Variants in DNAJC10 observed in about 807,000 individuals in gnomAD.
DNAJC10 encodes endoplasmic reticulum disulfide reductase DNAJC10.
DNAJC10 carries 101 observed loss-of-function variants against 115.0 expected under a neutral mutation model. The observed-to-expected ratio is 0.88, with a 90% confidence interval of 0.75 to 1.04. The LOEUF (loss-of-function observed/expected upper bound fraction) is 1.04. Among genes scored for constraint, DNAJC10 ranks in the 50% least tolerant of loss-of-function variants. The pLI is 0.00. For synonymous variants in DNAJC10, 307 were observed against 301.5 expected, an observed-to-expected ratio of 1.02 and a Z score of -0.19; for missense variants, 981 against 928.8, an observed-to-expected ratio of 1.06 and a Z score of -0.73.
Position 182,757,688 on chromosome 2 carries a change from A to G in DNAJC10, c.1810-4A>G. The G allele has an allele frequency of 6.6e-7, 1 of 1,510,038 alleles. No homozygotes were observed. The highest frequency in any genetic ancestry group is 8.8e-7 in the Non-Finnish European group (1 of 1,131,814). 93.5% of individuals were successfully genotyped at this position (1,510,038 alleles called of 1,614,324 possible). ...ATGGAGGTAATCTGTTTTTTCTTTT[A>G]CAGACATTAACTGGACTGATCAACG... On this transcript the variant is annotated splice_region_variant and splice_polypyrimidine_tract_variant and intron_variant, in intron 18 of 23. Transcript: ENST00000264065.
intron 23 of DNAJC10, among the ~76,000 whole-genome samples, chr2:182,776,691 AG>A (rs915177825): frequency 1.4e-3 from 210 of 152,304 alleles, no homozygotes; most frequent in African/African-American, 4.7e-3. Context: ...GGTAGGAAAG[AG>A]TTATGAGTCT....
Position 182,756,388 on chromosome 2 carries a change from CGAAGTCTG to C in DNAJC10, c.1731_1738del (p.Glu577AspfsTer3). On this transcript the variant is annotated frameshift_variant, in exon 18 of 24. Transcript: ENST00000264065. LOFTEE classifies it high-confidence loss of function. ...AACTAGTTACACAAAGAAAACACAA[CGAAGTCTG>C]GATGGTTGATTTCTATTCTCCGTGG... The C allele has an allele frequency of 6.2e-7, 1 of 1,613,992 alleles. No individual in the cohort carries two copies. Among genetic ancestry groups the C allele is most frequent in the Non-Finnish European group, 8.5e-7 (1 of 1,179,888 alleles).
intron 1 of DNAJC10, 55 bp from the exon 2 acceptor site, chr2:182,716,961 G>A (rs536028783): frequency 6.6e-6 from 1 of 152,032 alleles, no homozygotes; most frequent in Non-Finnish European, 1.5e-5. Context: ...TTTTTCTGAT[G>A]GTTGTTTTCT....
At chr2:182,755,726 A>G (rs941240736) in intron 17 of DNAJC10, among the ~76,000 whole-genome samples, 21 of 152,208 alleles carry the variant, frequency 1.4e-4, no homozygotes, top group African/African-American at 5.1e-4. Context: ...TGTCAGAAAA[A>G]TGAGATAGTA....
chr2:182,734,291 A>G (rs1391999712), intron 10 of DNAJC10, among the ~76,000 whole-genome samples: 2 of 151,422 alleles, frequency 1.3e-5, no homozygotes, highest in Non-Finnish European at 3.0e-5. Flanking sequence ...TATATATAGT[A>G]TTTTGATTAT....
At chr2:182,772,759 A>G (rs1018792335) in intron 22 of DNAJC10, among the ~76,000 whole-genome samples, 3 of 152,118 alleles carry the variant, frequency 2.0e-5, no homozygotes, top group Non-Finnish European at 2.9e-5. Flanking sequence ...GGTCTCCTGA[A>G]TACAGCACAC....
chr2:182,724,198 G>C (rs1399348970), intron 5 of DNAJC10, among the ~76,000 whole-genome samples: 1 of 152,064 alleles, frequency 6.6e-6, no homozygotes, highest in East Asian at 1.9e-4. Context: ...CATTACCTTG[G>C]AAAATCACTT....
At chr2:182,749,217 C>G (rs1366947160) in intron 14 of DNAJC10, among the ~76,000 whole-genome samples, 1 of 134,634 alleles carries the variant, frequency 7.4e-6, no homozygotes, top group Non-Finnish European at 1.6e-5. Context: ...TCCTTGTTGA[C>G]TTTCTGTCTC....
Position 182,782,121 on chromosome 2 carries a change from T to C in DNAJC10, c.*4989T>C, listed in dbSNP as rs1694861433. 6.6e-6 allele frequency: 1 copy of C among 152,184 alleles called. No individual in the cohort carries two copies. Among genetic ancestry groups the C allele is most frequent in the Non-Finnish European group, 1.5e-5 (1 of 68,030 alleles). The allele number at this position is 152,184 out of a possible 1,614,324, so 9.4% of individuals were successfully genotyped here. A position where few individuals can be genotyped will look rare whatever the true frequency, so the allele number is the denominator to read the frequency against. ...CTTTAATCTATCAACTTAATTTTTA[T>C]ATAAGGTGTAAGGAAGGGGTCCCAG... is the stretch of plus-strand genomic sequence containing the variant. On this transcript the variant is annotated 3_prime_UTR_variant, in exon 24 of 24. Transcript: ENST00000264065.
rs1180847353 is a variant in DNAJC10, at chr2:182,782,817, G to A, written c.*5685G>A. On this transcript the variant is annotated 3_prime_UTR_variant, in exon 24 of 24. Coordinates refer to ENST00000264065, the MANE Select transcript of DNAJC10 (RefSeq NM_018981.4). ...GCTTATCAGCTTAAGGAGTTTTTGG[G>A]CTGAGATGATGGGGTTTTCTAAATA... 6.6e-6 allele frequency: 1 copy of A among 152,142 alleles called. No homozygotes were observed. The highest frequency in any genetic ancestry group is 2.4e-5 in the African/African-American group (1 of 41,430). 9.4% of individuals were successfully genotyped at this position (152,142 alleles called of 1,614,324 possible). A position where few individuals can be genotyped will look rare whatever the true frequency, so the allele number is the denominator to read the frequency against.
chr2:182,726,908 G>C (rs549702294), intron 5 of DNAJC10, among the ~76,000 whole-genome samples: 1 of 151,958 alleles, frequency 6.6e-6, no homozygotes, highest in Non-Finnish European at 1.5e-5. Context: ...TTTTTATAGA[G>C]ACAGGGTCTT....
At chr2:182,726,425 AG>A (rs1216286791) in intron 5 of DNAJC10, among the ~76,000 whole-genome samples, 5 of 152,176 alleles carry the variant, frequency 3.3e-5, no homozygotes, top group African/African-American at 1.2e-4. Flanking sequence ...ATGACAACAA[AG>A]GATTTAGAAT....
At chr2:182,755,969 T>A (rs1480270384) in intron 17 of DNAJC10, among the ~76,000 whole-genome samples, 1 of 152,196 alleles carries the variant, frequency 6.6e-6, no homozygotes, top group African/African-American at 2.4e-5. Context: ...CTTAAAAATC[T>A]AAGTTAGGTT....
At chr2:182,745,786 G>T (rs1475568745) in intron 14 of DNAJC10, among the ~76,000 whole-genome samples, 1 of 150,046 alleles carries the variant, frequency 6.7e-6, no homozygotes, top group Non-Finnish European at 1.5e-5. Flanking sequence ...TGTGCACAAT[G>T]TGCAGGTTAA....
intron 16 of DNAJC10, chr2:182,752,592 A>C: frequency 2.3e-5 from 22 of 941,406 alleles, no homozygotes; most frequent in Non-Finnish European, 2.8e-5. Flanking sequence ...AAGCCTTTTG[A>C]AATCTTTGTT....
At chr2:182,741,094 A>C in intron 12 of DNAJC10, 149 bp from the exon 13 acceptor site, 1 of 580,680 alleles carries the variant, frequency 1.7e-6, no homozygotes, top group East Asian at 3.2e-5. Flanking sequence ...AGTAAACTAC[A>C]AAATAAGAGA....
At chr2:182,730,454 A>C in intron 8 of DNAJC10, 1 of 385,862 alleles carries the variant, frequency 2.6e-6, no homozygotes, top group South Asian at 2.0e-5. Flanking sequence ...TAAAATATAT[A>C]GTCCCTGCCA....
Position 182,756,343 on chromosome 2 carries a change from T to TA in DNAJC10, c.1684dup (p.Thr562AsnfsTer21). The TA allele has an allele frequency of 1.2e-6, 2 of 1,613,860 alleles. No homozygotes were observed. Among genetic ancestry groups the TA allele is most frequent in the Non-Finnish European group, 1.7e-6 (2 of 1,179,794 alleles). On this transcript the variant is annotated frameshift_variant, in exon 18 of 24. Transcript: ENST00000264065. LOFTEE classifies it high-confidence loss of function. ...TTATGAATCCTTCAGTGGTCTCCCT[T>TA]ACACCCACCACCTTCAACGAACTAG...
intron 11 of DNAJC10, 106 bp downstream of exon 11, chr2:182,736,492 TG>T (rs1225756027): frequency 4.0e-6 from 3 of 744,956 alleles, no homozygotes; most frequent in Non-Finnish European, 5.7e-6. Flanking sequence ...CAATTTATAT[TG>T]TCTGATTGTG....
Sources: gnomAD v4.1 joint callset for allele counts (sites outside exome capture counted in the v4.1 genomes callset) on GRCh38, gnomAD v4.1.1 for gene constraint, MANE v1.5 for transcripts, NCBI Gene and HGNC (gene_info 2026-07-23, HGNC 2026-07-21) for gene names.